The following TBC1D4 variants were observed in gnomAD, a reference collection of about 807,000 sequenced individuals.
TBC1D4 encodes the protein TBC1 domain family member 4.
In TBC1D4, 121 loss-of-function variants were observed where a neutral mutation model predicts 142.5. The observed-to-expected ratio is 0.85, with a 90% confidence interval of 0.73 to 0.99. TBC1D4 has a LOEUF of 0.99. Ranked by LOEUF, TBC1D4 falls within the 50% of genes least tolerant of loss-of-function variation. The pLI, the probability that TBC1D4 is intolerant of heterozygous loss-of-function variation, is 0.00. For missense variants in TBC1D4, 1,475 were observed against 1,606.6 expected (o/e 0.92, Z 1.40); for synonymous variants, 630 against 628.2 (o/e 1.00, Z -0.04).
chr13:75,292,327 A>G lies in TBC1D4; in HGVS notation c.3317-56T>C, dbSNP rs939063628. 3 of 1,457,916 alleles carry G rather than the reference A, an allele frequency of 2.1e-6. No homozygotes were observed. The Admixed American group carries it at 5.4e-5, about 26-fold the overall frequency. 90.3% of individuals were successfully genotyped at this position (1,457,916 alleles called of 1,614,324 possible). ...AAACTATGCATCCACTCTTGTAAAA[A>G]GCACGCTATTTGTGCTAAAGGTTTT... On this transcript the variant is annotated intron_variant, in intron 18 of 20. Coordinates refer to ENST00000377636, the MANE Select transcript of TBC1D4 (RefSeq NM_014832.5).
At chr13:75,439,850 C>T (rs530919599) in intron 1 of TBC1D4, among the ~76,000 whole-genome samples, 1 of 151,748 alleles carries the variant, frequency 6.6e-6, no homozygotes, top group Non-Finnish European at 1.5e-5. Flanking sequence ...TGCAGTGAGA[C>T]TCCATCTCAA....
intron 1 of TBC1D4, among the ~76,000 whole-genome samples, chr13:75,390,073 C>G (rs975031918): frequency 6.6e-6 from 1 of 151,876 alleles, no homozygotes; most frequent in East Asian, 1.9e-4. Context: ...GTCAGGAGTT[C>G]GAGACCAGCC....
At chr13:75,324,782 C>A (rs1381369723) in intron 10 of TBC1D4, among the ~76,000 whole-genome samples, 1 of 152,182 alleles carries the variant, frequency 6.6e-6, no homozygotes, top group Non-Finnish European at 1.5e-5. Context: ...CTGATTATCA[C>A]TAGTTCAAAG....
intron 1 of TBC1D4, among the ~76,000 whole-genome samples, chr13:75,415,984 C>G (rs1276067445): frequency 6.6e-6 from 1 of 152,206 alleles, no homozygotes; most frequent in Non-Finnish European, 1.5e-5. Flanking sequence ...ATCTGACTCA[C>G]TAGGAATTGT....
chr13:75,314,929 G>A (rs1053505759), intron 12 of TBC1D4, among the ~76,000 whole-genome samples: 5 of 152,062 alleles, frequency 3.3e-5, no homozygotes, highest in Non-Finnish European at 5.9e-5. Context: ...GCAGTGAGCC[G>A]AGAATGCACC....
At chr13:75,448,604 A>C (rs1887398844) in intron 1 of TBC1D4, among the ~76,000 whole-genome samples, 1 of 151,564 alleles carries the variant, frequency 6.6e-6, no homozygotes, top group African/African-American at 2.4e-5. Context: ...AACAACAAAA[A>C]CACCATAAAA....
Position 75,410,089 on chromosome 13 carries a change from T to C in TBC1D4, c.499-47482A>G, listed in dbSNP as rs151112762. 1.2e-4 allele frequency among the ~76,000 whole-genome samples: 19 copies of C among 152,338 alleles called. No homozygotes were observed. The East Asian group carries it at 1.7e-3, about 14-fold the overall frequency. Reference sequence around the variant, plus strand: ...ACAAAATAACAGCACTCTCAGAGTATTGTTGTGAGGTTTAAATAAGCTAAT... The same window carrying C: ...ACAAAATAACAGCACTCTCAGAGTACTGTTGTGAGGTTTAAATAAGCTAAT... On this transcript the variant is annotated intron_variant, in intron 1 of 20. Coordinates refer to ENST00000377636, the MANE Select transcript of TBC1D4 (RefSeq NM_014832.5).
rs370935722 is a variant in TBC1D4 at position 75,324,381 on chromosome 13, C to T, written c.2054G>A (p.Arg685His). The change falls in exon 11 of 21, where the codon CGC becomes CAC. Residue 685 changes from arginine (R) to histidine (H), a missense_variant. Arg to His is a conservative substitution (Grantham distance 29). Transcript: ENST00000377636. Reference sequence around the variant, plus strand: ...GGAAGAATTACTCTCCTTGTACATGCGTCGAACTGACGAAAGATTGCTGAG... The same window carrying T: ...GGAAGAATTACTCTCCTTGTACATGTGTCGAACTGACGAAAGATTGCTGAG... The part of the protein sequence containing the change: ...EQCSNLSSVR[R>H]MYKESNSSSS... 3.1e-6 allele frequency: 5 copies of T among 1,613,860 alleles called. No individual in the cohort carries two copies. Among genetic ancestry groups the T allele is most frequent in the Middle Eastern group, 1.7e-4 (1 of 6,054 alleles).
intron 1 of TBC1D4, among the ~76,000 whole-genome samples, chr13:75,474,504 A>G (rs905969378): frequency 6.6e-6 from 1 of 152,004 alleles, no homozygotes; most frequent in Non-Finnish European, 1.5e-5. Context: ...GCTTGCAGTG[A>G]GCCGAGATTG....
intron 1 of TBC1D4, among the ~76,000 whole-genome samples, chr13:75,398,200 T>C (rs145754561): frequency 6.6e-6 from 1 of 152,346 alleles, no homozygotes; most frequent in African/African-American, 2.4e-5. Context: ...GAATTCAAAT[T>C]GCAGGGTACT....
At chr13:75,457,976 G>A (rs139072892) in intron 1 of TBC1D4, among the ~76,000 whole-genome samples, 14 of 152,292 alleles carry the variant, frequency 9.2e-5, no homozygotes, top group African/African-American at 2.6e-4. Context: ...GTCTCTGGCC[G>A]CATAGTAGCA....
rs1879284519 is a variant in TBC1D4, at chr13:75,326,548, C to A, written c.1807-125G>T. ...CCTGAGTCATGACAAAACTGTTTTTCCTCCCCCTTTTACTTAATTTATGCC... is the reference window on the plus strand; with the variant it reads ...CCTGAGTCATGACAAAACTGTTTTTACTCCCCCTTTTACTTAATTTATGCC... On this transcript the variant is annotated intron_variant, in intron 9 of 20. Coordinates refer to ENST00000377636, the MANE Select transcript of TBC1D4 (RefSeq NM_014832.5). 5.0e-6 allele frequency: 5 copies of A among 1,000,348 alleles called. No individual in the cohort carries two copies. In the Middle Eastern group the frequency reaches 1.2e-3, roughly 247 times the overall value. The allele number at this position is 1,000,348 out of a possible 1,614,324, so 62.0% of individuals were successfully genotyped here.
At chr13:75,319,985 T>C (rs759144085) in intron 12 of TBC1D4, 29 bp downstream of exon 12, 2 of 1,609,470 alleles carry the variant, frequency 1.2e-6, no homozygotes, top group Non-Finnish European at 1.7e-6. Flanking sequence ...GAATTTTTTT[T>C]AAATAAAAAT....
At chr13:75,451,268 T>C (rs886307747) in intron 1 of TBC1D4, among the ~76,000 whole-genome samples, 2 of 152,122 alleles carry the variant, frequency 1.3e-5, no homozygotes, top group African/African-American at 4.8e-5. Flanking sequence ...TCGCAGTGTC[T>C]GCACATAAAA....
At chr13:75,366,369 G>A (rs186467160) in intron 1 of TBC1D4, among the ~76,000 whole-genome samples, 17 of 152,232 alleles carry the variant, frequency 1.1e-4, no homozygotes, top group Admixed American at 1.1e-3. Context: ...TGGTTGATAA[G>A]GTCTCATCGA....
At chr13:75,478,225 T>C (rs1423847987) in intron 1 of TBC1D4, among the ~76,000 whole-genome samples, 1 of 152,206 alleles carries the variant, frequency 6.6e-6, no homozygotes, top group Non-Finnish European at 1.5e-5. Context: ...TGGCTCTGCA[T>C]GAACACAAAC....
At chr13:75,431,065 C>T (rs1331589932) in intron 1 of TBC1D4, among the ~76,000 whole-genome samples, 2 of 151,962 alleles carry the variant, frequency 1.3e-5, no homozygotes, top group African/African-American at 4.8e-5. Context: ...TGGAGGTGTC[C>T]CAGGGAGAAT....
At chr13:75,384,993 G>T (rs1884084941) in intron 1 of TBC1D4, among the ~76,000 whole-genome samples, 1 of 152,134 alleles carries the variant, frequency 6.6e-6, no homozygotes, top group Non-Finnish European at 1.5e-5. Context: ...CATGCAAATT[G>T]CCCATAAGGC....
intron 1 of TBC1D4, among the ~76,000 whole-genome samples, chr13:75,445,705 A>T (rs1887254084): frequency 6.6e-6 from 1 of 152,228 alleles, no homozygotes; most frequent in Non-Finnish European, 1.5e-5. Flanking sequence ...CATGTGACAT[A>T]CATTGATTTA....
Sources: allele counts gnomAD v4.1 joint callset (sites outside exome capture counted in the v4.1 genomes callset), GRCh38; gene constraint gnomAD v4.1.1; transcripts MANE v1.5; gene names NCBI Gene and HGNC (gene_info 2026-07-23, HGNC 2026-07-21).